PLD1: variants seen among roughly 807,000 people sequenced by gnomAD.
PLD1 encodes the protein phospholipase D1.
Under a neutral mutation model 137.1 loss-of-function variants are expected in PLD1, and 112 were observed. The ratio of observed to expected loss-of-function variants is 0.82; its 90% CI spans 0.70 to 0.96. The LOEUF (loss-of-function observed/expected upper bound fraction) is 0.96. Ranked by LOEUF, PLD1 falls within the 40% of genes least tolerant of loss-of-function variation. The pLI is 0.00. For synonymous variants in PLD1, 431 were observed against 454.7 expected, an observed-to-expected ratio of 0.95 and a Z score of 0.66; for missense variants, 1,321 against 1,342.0, an observed-to-expected ratio of 0.98 and a Z score of 0.24.
chr3:171,747,555 G>C (rs1372825762), intron 1 of PLD1, among the ~76,000 whole-genome samples: 1 of 150,832 alleles, frequency 6.6e-6, no homozygotes, highest in African/African-American at 2.4e-5. Flanking sequence ...CAGGAAACTT[G>C]AGCTAGGATA....
rs1379966029 is a variant in PLD1, at chr3:171,709,550, A to C, written c.1061+10T>G. The C allele has an allele frequency of 6.2e-7, 1 of 1,612,542 alleles. No homozygotes were observed. Among genetic ancestry groups the C allele is most frequent in the Non-Finnish European group, 8.5e-7 (1 of 1,178,912 alleles). On this transcript the variant is annotated intron_variant, in intron 10 of 26. Coordinates refer to ENST00000351298, the MANE Select transcript of PLD1 (RefSeq NM_002662.5). The stretch of plus-strand genomic sequence containing the variant: ...ACTGCCTTGACAGGCTTAGAGAAAT[A>C]ATAACTTACCATTTAGCTAAAGCAT...
chr3:171,781,993 C>A (rs1308840577), intron 1 of PLD1, among the ~76,000 whole-genome samples: 1 of 152,158 alleles, frequency 6.6e-6, no homozygotes, highest in Non-Finnish European at 1.5e-5. Flanking sequence ...AATAAACAAC[C>A]TGTTGTATCA....
intron 1 of PLD1, among the ~76,000 whole-genome samples, chr3:171,764,946 GA>G (rs1560289515): frequency 4.3e-5 from 1 of 22,990 alleles, no homozygotes; most frequent in East Asian, 8.7e-4. Context: ...AAGAAAGAAA[GA>G]AAGAAAGAAA....
rs553212812 is a variant in PLD1, at chr3:171,748,262, T to C, written c.-31-10180A>G. Among the ~76,000 whole-genome samples, 13 of 152,346 alleles carry C rather than the reference T, an allele frequency of 8.5e-5. No homozygotes were observed. The South Asian group carries it at 2.1e-3, about 24-fold the overall frequency. ...AAGTTTATTACGTGTAAGTCAGACT[T>C]TGTACAACCGCTGGATTGACTTAAG... On this transcript the variant is annotated intron_variant, in intron 1 of 26. Transcript: ENST00000351298.
At chr3:171,624,132 C>T (rs1733881892) in intron 23 of PLD1, among the ~76,000 whole-genome samples, 1 of 151,566 alleles carries the variant, frequency 6.6e-6, no homozygotes, top group Non-Finnish European at 1.5e-5. Context: ...GTACATGTCA[C>T]AGATAAAGAG....
intron 23 of PLD1, among the ~76,000 whole-genome samples, chr3:171,633,756 A>C (rs941278962): frequency 3.3e-5 from 5 of 152,216 alleles, no homozygotes; most frequent in Non-Finnish European, 5.9e-5. Context: ...GTACGTATCT[A>C]ATCCTGATTG....
intron 1 of PLD1, chr3:171,793,672 G>C (rs1030250355): frequency 6.6e-6 from 1 of 152,122 alleles, no homozygotes; most frequent in Admixed American, 6.5e-5. Context: ...GATGGCCACC[G>C]AGTGACTGGC....
intron 23 of PLD1, among the ~76,000 whole-genome samples, chr3:171,633,323 GCATA>G (rs1270338455): frequency 1.5e-4 from 23 of 152,178 alleles, no homozygotes; most frequent in African/African-American, 4.6e-4. Context: ...CAAGCCAGGA[GCATA>G]CATAAGCATT....
At chr3:171,670,652 T>A (rs1578232974) in intron 19 of PLD1, among the ~76,000 whole-genome samples, 1 of 152,352 alleles carries the variant, frequency 6.6e-6, no homozygotes, top group Non-Finnish European at 1.5e-5. Flanking sequence ...GATGTCCTAG[T>A]TTCTTAACTC....
In PLD1 at chr3:171,666,833, T is replaced by C. The variant is rs560224218; in HGVS notation, c.2230-4663A>G. Among the ~76,000 whole-genome samples the C allele has an allele frequency of 3.3e-5, 5 of 152,328 alleles. No individual in the cohort carries two copies. The South Asian group carries it at 8.3e-4, about 25-fold the overall frequency. On this transcript the variant is annotated intron_variant, in intron 19 of 26. Transcript: ENST00000351298. Reference sequence around the variant, plus strand: ...TATATAAAAAATGGCATATTTCTGATTTTATGGTTTAACCTCAAAGCTGTA... The same window carrying C: ...TATATAAAAAATGGCATATTTCTGACTTTATGGTTTAACCTCAAAGCTGTA...
intron 1 of PLD1, among the ~76,000 whole-genome samples, chr3:171,753,909 C>T (rs1385715808): frequency 6.6e-6 from 1 of 152,194 alleles, no homozygotes; most frequent in African/African-American, 2.4e-5. Context: ...AAACATGCTC[C>T]ATGCTCTCCA....
At chr3:171,646,661 C>T (rs564564833) in intron 21 of PLD1, among the ~76,000 whole-genome samples, 2 of 130,418 alleles carry the variant, frequency 1.5e-5, no homozygotes, top group South Asian at 2.4e-4. Flanking sequence ...AGCAGGATAG[C>T]GAAAAAGAAC....
chr3:171,625,236 G>T (rs1733995579), intron 23 of PLD1, among the ~76,000 whole-genome samples: 1 of 152,234 alleles, frequency 6.6e-6, no homozygotes, highest in Non-Finnish European at 1.5e-5. Context: ...CACGCCCACG[G>T]AGTCTCGCTG....
intron 1 of PLD1, among the ~76,000 whole-genome samples, chr3:171,773,212 C>T (rs994625722): frequency 2.6e-5 from 4 of 152,136 alleles, no homozygotes; most frequent in African/African-American, 9.7e-5. Context: ...TGGTGGGCAC[C>T]AAATTACACT....
At chr3:171,770,888 C>CAAAAAAAAAAAAAAAAAAAAAAAAAA (rs34683994) in intron 1 of PLD1, among the ~76,000 whole-genome samples, 6 of 40,874 alleles carry the variant, frequency 1.5e-4, no homozygotes, top group African/African-American at 4.0e-4. Flanking sequence ...AACCCTATCT[C>CAAAAAAAAAAAAAAAAAAAAAAAAAA]AAAAAAAAAA....
At position 171,724,676 on chromosome 3, in the gene PLD1, C is replaced by G. The variant is rs745970604; in HGVS notation, c.758+20G>C. On this transcript the variant is annotated intron_variant, in intron 8 of 26. Coordinates refer to ENST00000351298, the MANE Select transcript of PLD1 (RefSeq NM_002662.5). ...CAGTGTATTAAAACAAACAAATACACAAAACTCACTAATTCCTACCTTTTT... is the reference window on the plus strand; with the variant it reads ...CAGTGTATTAAAACAAACAAATACAGAAAACTCACTAATTCCTACCTTTTT... The G allele has an allele frequency of 1.4e-6, 2 of 1,459,010 alleles. No individual in the cohort carries two copies. 90.4% of individuals were successfully genotyped at this position (1,459,010 alleles called of 1,614,324 possible).
intron 16 of PLD1, among the ~76,000 whole-genome samples, chr3:171,684,160 T>G (rs1714310752): frequency 6.6e-6 from 1 of 152,178 alleles, no homozygotes; most frequent in South Asian, 2.1e-4. Flanking sequence ...TCTGTCAACC[T>G]GGGGTAGGCG....
chr3:171,647,438 T>G (rs1026808699), intron 21 of PLD1, among the ~76,000 whole-genome samples: 2 of 152,078 alleles, frequency 1.3e-5, no homozygotes, highest in Admixed American at 6.6e-5. Flanking sequence ...AATATAAAAT[T>G]TGCCATTTTA....
intron 12 of PLD1, among the ~76,000 whole-genome samples, chr3:171,695,187 C>T (rs1223799752): frequency 6.6e-6 from 1 of 151,844 alleles, no homozygotes; most frequent in African/African-American, 2.4e-5. Flanking sequence ...TAGGCTTATA[C>T]AAAATGTGGG....
Sources: allele counts gnomAD v4.1 joint callset (sites outside exome capture counted in the v4.1 genomes callset), GRCh38; gene constraint gnomAD v4.1.1; transcripts MANE v1.5; gene names NCBI Gene and HGNC (gene_info 2026-07-23, HGNC 2026-07-21).